Variants in PLD5 observed in about 807,000 individuals in gnomAD.
PLD5 encodes the protein inactive phospholipase D5.
In PLD5, 36 loss-of-function variants were observed where a neutral mutation model predicts 61.1. That is an observed-to-expected ratio of 0.59 (90% CI 0.45 to 0.78). PLD5 has a LOEUF of 0.78. PLD5 is among the 30% of genes least tolerant of loss of function. PLD5 has a pLI of 0.00. For missense variants in PLD5, 515 were observed against 644.4 expected, an observed-to-expected ratio of 0.80 and a Z score of 2.17; for synonymous variants, 243 against 242.8, an observed-to-expected ratio of 1.00 and a Z score of -0.01.
chr1:242,398,139 A>G (rs932618976), intron 1 of PLD5, among the ~76,000 whole-genome samples: 2 of 152,184 alleles, frequency 1.3e-5, no homozygotes, highest in East Asian at 3.9e-4. Flanking sequence ...ATAAGATGTG[A>G]GGGGAGGTCA....
At chr1:242,115,298 C>T (rs1661857243) in intron 6 of PLD5, among the ~76,000 whole-genome samples, 1 of 152,194 alleles carries the variant, frequency 6.6e-6, no homozygotes, top group Non-Finnish European at 1.5e-5. Context: ...TGAAACCAGT[C>T]CATGGTGCCA....
intron 1 of PLD5, among the ~76,000 whole-genome samples, chr1:242,440,833 G>T (rs1471749377): frequency 6.6e-6 from 1 of 152,064 alleles, no homozygotes; most frequent in Non-Finnish European, 1.5e-5. Flanking sequence ...TCCTCCTACT[G>T]CTCTGTCCAT....
chr1:242,511,883 A>G (rs1668921941), intron 1 of PLD5, among the ~76,000 whole-genome samples: 1 of 152,246 alleles, frequency 6.6e-6, no homozygotes, highest in Admixed American at 6.5e-5. Flanking sequence ...AGATGCTTGT[A>G]CTATGTTTGC....
At chr1:242,180,277 G>A (rs574467367) in intron 5 of PLD5, among the ~76,000 whole-genome samples, 3 of 152,166 alleles carry the variant, frequency 2.0e-5, no homozygotes, top group Admixed American at 2.0e-4. Context: ...TCAATATAGG[G>A]CTGAAGACAC....
intron 5 of PLD5, among the ~76,000 whole-genome samples, chr1:242,165,425 T>C (rs1666231327): frequency 6.9e-6 from 1 of 144,718 alleles, no homozygotes; most frequent in South Asian, 2.2e-4. Context: ...CTTAGTCTGA[T>C]AAATAGGTTG....
chr1:242,129,656 A>C (rs58668342), intron 5 of PLD5, among the ~76,000 whole-genome samples: 3,510 of 152,304 alleles, frequency 0.023, 144 homozygotes, highest in African/African-American at 0.079. Flanking sequence ...AATTTTTAAA[A>C]ATGAACTTAA....
At chr1:242,181,102 G>A (rs1168455846) in intron 5 of PLD5, among the ~76,000 whole-genome samples, 5 of 152,212 alleles carry the variant, frequency 3.3e-5, no homozygotes, top group Non-Finnish European at 7.3e-5. Context: ...TGTGCTAGAA[G>A]TCAGTGCTTC....
chr1:242,249,841 A>G (rs988527681), intron 4 of PLD5, among the ~76,000 whole-genome samples: 7 of 152,236 alleles, frequency 4.6e-5, no homozygotes, highest in Non-Finnish European at 7.3e-5. Flanking sequence ...TGCCATTTTC[A>G]ATGTCACTTT....
chr1:242,193,719 T>C (rs1311193159), intron 5 of PLD5, among the ~76,000 whole-genome samples: 1 of 152,240 alleles, frequency 6.6e-6, no homozygotes, highest in East Asian at 1.9e-4. Flanking sequence ...AGCCACATCT[T>C]AGCACATGTC....
At chr1:242,200,628 G>C (rs1451945000) in intron 5 of PLD5, among the ~76,000 whole-genome samples, 1 of 110,628 alleles carries the variant, frequency 9.0e-6, no homozygotes, top group Non-Finnish European at 1.9e-5. Context: ...GTGTGGCACA[G>C]GCAAAAAAAA....
chr1:242,083,463 T>A lies in PLD5; in HGVS notation c.*6391A>T, dbSNP rs1346672389. On this transcript the variant is annotated 3_prime_UTR_variant, in exon 10 of 10. Transcript: ENST00000536534. Reference sequence around the variant, plus strand: ...TCCTGCAGGAGCTGTGGAGGTAGGGTCTCTCCAAGACACCAGGAAAACTAT... The same window carrying A: ...TCCTGCAGGAGCTGTGGAGGTAGGGACTCTCCAAGACACCAGGAAAACTAT... 2 of 151,992 alleles carry A rather than the reference T, an allele frequency of 1.3e-5. No homozygotes were observed. Among genetic ancestry groups the A allele is most frequent in the East Asian group, 1.9e-4 (1 of 5,178 alleles). 9.4% of individuals were successfully genotyped at this position (151,992 alleles called of 1,614,324 possible).
chr1:242,168,932 G>A (rs1013238170), intron 5 of PLD5, among the ~76,000 whole-genome samples: 1 of 133,558 alleles, frequency 7.5e-6, no homozygotes, highest in East Asian at 2.6e-4. Context: ...TACTTATAAA[G>A]ACAAAGAAAA....
intron 5 of PLD5, among the ~76,000 whole-genome samples, chr1:242,200,526 G>A (rs1668919046): frequency 6.6e-6 from 1 of 152,118 alleles, no homozygotes; most frequent in Non-Finnish European, 1.5e-5. Context: ...CTCAGCTATG[G>A]AAGCTCTAGA....
intron 1 of PLD5, among the ~76,000 whole-genome samples, chr1:242,518,974 C>T (rs1023704666): frequency 2.0e-5 from 3 of 152,210 alleles, no homozygotes; most frequent in African/African-American, 7.2e-5. Context: ...CATGTCTTGA[C>T]TGATGAGTTG....
intron 5 of PLD5, among the ~76,000 whole-genome samples, chr1:242,155,042 A>G (rs1027752399): frequency 4.6e-5 from 7 of 152,160 alleles, no homozygotes; most frequent in African/African-American, 1.4e-4. Context: ...TGATCTATTC[A>G]GGGATTTGGC....
At chr1:242,323,196 C>A (rs1468120510) in intron 2 of PLD5, among the ~76,000 whole-genome samples, 3 of 151,510 alleles carry the variant, frequency 2.0e-5, no homozygotes, top group South Asian at 2.1e-4. Flanking sequence ...AAAATAGAGA[C>A]AAGGGGAAAA....
chr1:242,240,780 A>C (rs1034802670), intron 4 of PLD5, among the ~76,000 whole-genome samples: 3 of 152,192 alleles, frequency 2.0e-5, no homozygotes, highest in Non-Finnish European at 2.9e-5. Context: ...GGGATGAAAA[A>C]TAGTCGTATG....
chr1:242,466,892 C>T (rs1286525879), intron 1 of PLD5, among the ~76,000 whole-genome samples: 1 of 141,652 alleles, frequency 7.1e-6, no homozygotes, highest in Non-Finnish European at 1.5e-5. Context: ...GACTCCATCT[C>T]AAAAAAAAAA....
At chr1:242,397,822 T>C (rs10926721) in intron 1 of PLD5, among the ~76,000 whole-genome samples, 41,240 of 149,984 alleles carry the variant, frequency 0.27, 6,062 homozygotes, top group Middle Eastern at 0.4. Flanking sequence ...TCTCTCAGAG[T>C]TCCTAGAACA....
Sources: allele counts gnomAD v4.1 joint callset (sites outside exome capture counted in the v4.1 genomes callset), GRCh38; gene constraint gnomAD v4.1.1; transcripts MANE v1.5; gene names NCBI Gene and HGNC (gene_info 2026-07-23, HGNC 2026-07-21).